Variants in ASIC2 observed in about 807,000 individuals in gnomAD.
ASIC2 encodes acid-sensing ion channel 2.
In ASIC2, 25 loss-of-function variants were observed where a neutral mutation model predicts 57.3. The ratio of observed to expected loss-of-function variants is 0.44; its 90% CI spans 0.32 to 0.61. The LOEUF (loss-of-function observed/expected upper bound fraction) is 0.61. ASIC2 is among the 20% of genes least tolerant of loss of function. The pLI, the probability that ASIC2 is intolerant of heterozygous loss-of-function variation, is 0.06. For synonymous variants in ASIC2, 319 were observed against 307.5 expected, an observed-to-expected ratio of 1.04 and a Z score of -0.39; for missense variants, 641 against 738.1, an observed-to-expected ratio of 0.87 and a Z score of 1.52.
chr17:33,555,280 T>A (rs1915873030), intron 1 of ASIC2, among the ~76,000 whole-genome samples: 1 of 152,200 alleles, frequency 6.6e-6, no homozygotes. Flanking sequence ...TAGAAGGTAC[T>A]TGTTTTCCAG....
intron 1 of ASIC2, among the ~76,000 whole-genome samples, chr17:33,865,716 T>C (rs1384981624): frequency 1.4e-5 from 2 of 146,342 alleles, no homozygotes; most frequent in East Asian, 4.0e-4. Flanking sequence ...ACCTGCACAA[T>C]GTGCACATGT....
intron 1 of ASIC2, among the ~76,000 whole-genome samples, chr17:33,740,895 A>G (rs1020559297): frequency 1.4e-4 from 21 of 152,272 alleles, no homozygotes; most frequent in African/African-American, 4.6e-4. Flanking sequence ...TATAGCTGCT[A>G]TTGTCCCTTC....
At chr17:33,062,131 T>C (rs1366293645) in intron 3 of ASIC2, among the ~76,000 whole-genome samples, 1 of 152,218 alleles carries the variant, frequency 6.6e-6, no homozygotes, top group African/African-American at 2.4e-5. Flanking sequence ...TTCACTGATT[T>C]TTTGAAGGGT....
At position 33,186,694 on chromosome 17, in the gene ASIC2, G is replaced by C. The variant is rs181516807; in HGVS notation, c.709-74627C>G. 2.5e-3 allele frequency among the ~76,000 whole-genome samples: 376 copies of C among 152,250 alleles called. 2 individuals are homozygous for C. The highest frequency in any genetic ancestry group is 2.8e-3 in the Non-Finnish European group (190 of 68,018). ...AGCCTTGAAGATGAGGGGCATAGTG[G>C]CTGGCCATCGGAAGTTGATCATCAA... On this transcript the variant is annotated intron_variant, in intron 1 of 9. Transcript: ENST00000225823.
At chr17:33,640,924 C>T (rs542111840) in intron 1 of ASIC2, among the ~76,000 whole-genome samples, 5 of 152,256 alleles carry the variant, frequency 3.3e-5, no homozygotes, top group East Asian at 3.9e-4. Context: ...GGGCTGGCTA[C>T]GCAAGACACT....
rs557195917 is a variant in ASIC2 at position 33,078,896 on chromosome 17, G to A, written c.987+9967C>T. 1.8e-4 allele frequency among the ~76,000 whole-genome samples: 27 copies of A among 152,338 alleles called. 1 individual carries two copies. In the South Asian group the frequency reaches 4.1e-3, roughly 23 times the overall value. ...AATAAATGTCAATATGAGATGATGA[G>A]AGAGTAGGACAGGAAGAAGGCTCAA... is the stretch of plus-strand genomic sequence containing the variant. On this transcript the variant is annotated intron_variant, in intron 3 of 9. Coordinates refer to ENST00000225823, the MANE Select transcript of ASIC2 (RefSeq NM_183377.2).
At chr17:33,811,309 A>C (rs967283152) in intron 1 of ASIC2, among the ~76,000 whole-genome samples, 3 of 152,228 alleles carry the variant, frequency 2.0e-5, no homozygotes, top group African/African-American at 7.2e-5. Context: ...GGCAGACTGC[A>C]AAGGCTCCCA....
chr17:33,806,089 C>T (rs199950853), intron 1 of ASIC2, among the ~76,000 whole-genome samples: 6 of 126,130 alleles, frequency 4.8e-5, no homozygotes, highest in African/African-American at 1.2e-4. Context: ...CATGTCCCAG[C>T]GAAACACCGG....
chr17:33,647,264 T>A (rs893198507), intron 1 of ASIC2, among the ~76,000 whole-genome samples: 1 of 152,196 alleles, frequency 6.6e-6, no homozygotes, highest in Non-Finnish European at 1.5e-5. Flanking sequence ...GTAGCGTATG[T>A]CAAGGATCCA....
intron 1 of ASIC2, among the ~76,000 whole-genome samples, chr17:33,929,555 C>T (rs888554986): frequency 2.0e-5 from 3 of 152,222 alleles, no homozygotes; most frequent in African/African-American, 7.2e-5. Flanking sequence ...GCAAACGCAA[C>T]AACAAATCTC....
At chr17:33,531,759 A>G (rs960065139) in intron 1 of ASIC2, among the ~76,000 whole-genome samples, 11 of 152,100 alleles carry the variant, frequency 7.2e-5, no homozygotes, top group African/African-American at 2.4e-4. Context: ...TTCTTTTTCT[A>G]TCACCTGGGG....
intron 1 of ASIC2, among the ~76,000 whole-genome samples, chr17:33,140,245 G>T (rs1407899345): frequency 6.6e-6 from 1 of 152,232 alleles, no homozygotes; most frequent in Non-Finnish European, 1.5e-5. Context: ...CCCTTTGGCT[G>T]CTTGGACCCA....
intron 1 of ASIC2, among the ~76,000 whole-genome samples, chr17:33,354,853 T>A (rs2142253383): frequency 6.6e-6 from 1 of 152,208 alleles, no homozygotes; most frequent in African/African-American, 2.4e-5. Context: ...CATTGCCCTC[T>A]CCCCTCTGCC....
chr17:33,137,023 T>C (rs770589033), intron 1 of ASIC2, among the ~76,000 whole-genome samples: 1 of 152,208 alleles, frequency 6.6e-6, no homozygotes, highest in Non-Finnish European at 1.5e-5. Context: ...GCTATGACAG[T>C]CCTGTTCTAA....
At chr17:33,907,699 C>T (rs567867254) in intron 1 of ASIC2, among the ~76,000 whole-genome samples, 33 of 152,198 alleles carry the variant, frequency 2.2e-4, no homozygotes, top group African/African-American at 6.5e-4. Flanking sequence ...GGAGATCTGT[C>T]TTTTCCTTAA....
intron 3 of ASIC2, among the ~76,000 whole-genome samples, chr17:33,056,206 A>G (rs2141933763): frequency 6.6e-6 from 1 of 152,322 alleles, no homozygotes; most frequent in East Asian, 1.9e-4. Flanking sequence ...CAAAGACCCA[A>G]TCAGCCCACT....
chr17:33,570,220 T>C (rs1916388137), intron 1 of ASIC2, among the ~76,000 whole-genome samples: 2 of 152,232 alleles, frequency 1.3e-5, no homozygotes. Context: ...ATAAATGTGG[T>C]CTTTCTCCTC....
At chr17:33,845,080 A>G (rs1002059050) in intron 1 of ASIC2, among the ~76,000 whole-genome samples, 2 of 152,226 alleles carry the variant, frequency 1.3e-5, no homozygotes, top group Non-Finnish European at 2.9e-5. Flanking sequence ...TAGGTTCAGG[A>G]GCTGAATTGT....
At chr17:33,904,163 C>CAA (rs769795292) in intron 1 of ASIC2, among the ~76,000 whole-genome samples, 3,814 of 55,268 alleles carry the variant, frequency 0.069, 543 homozygotes, top group East Asian at 0.35. Context: ...AACTCCGTCT[C>CAA]AAAAAAAAAA....
Sources: allele counts gnomAD v4.1 joint callset (sites outside exome capture counted in the v4.1 genomes callset), GRCh38; gene constraint gnomAD v4.1.1; transcripts MANE v1.5; gene names NCBI Gene and HGNC (gene_info 2026-07-23, HGNC 2026-07-21).